ALDH3B1: variants seen among roughly 807,000 people sequenced by gnomAD.
The protein encoded by ALDH3B1 is aldehyde dehydrogenase family 3 member B1.
Under a neutral mutation model 46.2 loss-of-function variants are expected in ALDH3B1, and 37 were observed. The ratio of observed to expected loss-of-function variants is 0.80; its 90% CI spans 0.62 to 1.05. The LOEUF is 1.05. Among genes scored for constraint, ALDH3B1 ranks in the 50% least tolerant of loss-of-function variants. The pLI, the probability that ALDH3B1 is intolerant of heterozygous loss-of-function variation, is 0.00. For synonymous variants in ALDH3B1, 283 were observed against 281.0 expected (o/e 1.01, Z -0.07); for missense variants, 603 against 665.5 (o/e 0.91, Z 1.03).
At chr11:68,027,564 C>T (rs1272214526) in intron 9 of ALDH3B1, among the ~76,000 whole-genome samples, 185 bp from the exon 10 acceptor site, 1 of 152,192 alleles carries the variant, frequency 6.6e-6, no homozygotes, top group Non-Finnish European at 1.5e-5. Context: ...TCTGGCATCC[C>T]CAGGGCTTAC....
At position 68,021,867 on chromosome 11, in the gene ALDH3B1, C is replaced by T. The variant is rs761644575; in HGVS notation, c.945C>T (p.Tyr315=). ...IGGQSDESDR[Y]IAPTVLVDVQ... ...GCCAGAGCGATGAGAGCGATCGCTACATCGGTGAGTCCTGCTGCCCCTACC... is the reference window on the plus strand; with the variant it reads ...GCCAGAGCGATGAGAGCGATCGCTATATCGGTGAGTCCTGCTGCCCCTACC... Residue 315 remains tyrosine (Y), a synonymous_variant, in exon 7 of 10, where the codon TAC becomes TAT. Coordinates refer to ENST00000342456, the MANE Select transcript of ALDH3B1 (RefSeq NM_000694.4). 3.1e-6 allele frequency: 5 copies of T among 1,600,270 alleles called. No homozygotes were observed. Among genetic ancestry groups the T allele is most frequent in the Non-Finnish European group, 4.3e-6 (5 of 1,172,540 alleles).
At chr11:68,015,878 C>T (rs1267016174) in intron 2 of ALDH3B1, 3 of 330,958 alleles carry the variant, frequency 9.1e-6, no homozygotes, top group Admixed American at 8.4e-5. Context: ...CCATCCTGGC[C>T]AACATGGCGA....
intron 1 of ALDH3B1, among the ~76,000 whole-genome samples, chr11:68,014,618 C>G (rs1175747793): frequency 6.6e-6 from 1 of 152,190 alleles, no homozygotes; most frequent in Non-Finnish European, 1.5e-5. Context: ...AGCACCACAG[C>G]CCCGGCAGGG....
chr11:68,022,148 T>C (rs2286165), intron 7 of ALDH3B1, among the ~76,000 whole-genome samples: 36,440 of 152,156 alleles, frequency 0.24, 4,561 homozygotes, highest in African/African-American at 0.31. Context: ...ATCCCACCAC[T>C]GGCTATCCTG....
At chr11:68,015,869 C>T (rs1857340943) in intron 2 of ALDH3B1, 17 of 337,426 alleles carry the variant, frequency 5.0e-5, no homozygotes, top group South Asian at 3.8e-4. Context: ...AGTTCAAGAC[C>T]ATCCTGGCCA....
Position 68,022,637 on chromosome 11 carries a change from T to G in ALDH3B1, c.992T>G (p.Met331Arg). 6.2e-7 allele frequency: 1 copy of G among 1,614,078 alleles called. No individual in the cohort carries two copies. The highest frequency in any genetic ancestry group is 8.5e-7 in the Non-Finnish European group (1 of 1,180,010). The part of the protein sequence containing the change: ...LVDVQEMEPV[M>R]QEEIFGPILP... The stretch of plus-strand genomic sequence containing the variant: ...GATGTGCAGGAGATGGAGCCTGTGA[T>G]GCAGGAGGAGATCTTCGGGCCCATC... The change falls in exon 8 of 10, where the codon ATG (methionine) becomes AGG (arginine). Residue 331 changes from methionine to arginine, a missense_variant. Coordinates refer to ENST00000342456, the MANE Select transcript of ALDH3B1 (RefSeq NM_000694.4).
rs906303723 is a variant in ALDH3B1, at chr11:68,015,589, C to G, written c.162+130C>G. On this transcript the variant is annotated intron_variant, in intron 2 of 9. Transcript: ENST00000342456. ...GCTAAAAGCAGCTCCTCCCCTAGGC[C>G]AGAGCCACCCTTGCACATTCATCCA... 5 of 1,183,564 alleles carry G rather than the reference C, an allele frequency of 4.2e-6. No individual in the cohort carries two copies. In the African/African-American group the frequency reaches 6.1e-5, roughly 14 times the overall value. 73.3% of individuals were successfully genotyped at this position (1,183,564 alleles called of 1,614,324 possible).
chr11:68,028,249 CT>C lies in ALDH3B1; in HGVS notation c.*311del. Reference sequence around the variant, plus strand: ...CAGACACGGCACCTCTGAGTCACCCCTCTCCTGTGGAGCGGGCGTCCGAGGG... The same window carrying C: ...CAGACACGGCACCTCTGAGTCACCCCCTCCTGTGGAGCGGGCGTCCGAGGG... On this transcript the variant is annotated 3_prime_UTR_variant, in exon 10 of 10. Coordinates refer to ENST00000342456, the MANE Select transcript of ALDH3B1 (RefSeq NM_000694.4). 1.8e-6 allele frequency: 1 copy of C among 540,810 alleles called. No individual in the cohort carries two copies. Among genetic ancestry groups the C allele is most frequent in the Non-Finnish European group, 3.5e-6 (1 of 283,516 alleles). The allele number at this position is 540,810 out of a possible 1,614,324, so 33.5% of individuals were successfully genotyped here. A position where few individuals can be genotyped will look rare whatever the true frequency, so the allele number is the denominator to read the frequency against.
chr11:68,012,794 A>G (rs1456452078), intron 1 of ALDH3B1, among the ~76,000 whole-genome samples: 1 of 151,784 alleles, frequency 6.6e-6, no homozygotes, highest in Non-Finnish European at 1.5e-5. Context: ...GGGGACTGTG[A>G]GGGAGGTGGG....
At position 68,028,558 on chromosome 11, in the gene ALDH3B1, T is replaced by A. The variant is rs907535704; in HGVS notation, c.*619T>A. ...CTGGCGTGGTGGCGCATGCCTGTAA[T>A]CCCAGCTACTCAGGAGGCTAAGGCA... On this transcript the variant is annotated 3_prime_UTR_variant, in exon 10 of 10. Coordinates refer to ENST00000342456, the MANE Select transcript of ALDH3B1 (RefSeq NM_000694.4). The A allele has an allele frequency of 1.2e-5, 2 of 169,382 alleles. No individual in the cohort carries two copies. The highest frequency in any genetic ancestry group is 1.1e-4 in the Admixed American group (2 of 17,740). The allele number at this position is 169,382 out of a possible 1,614,324, so 10.5% of individuals were successfully genotyped here. A position where few individuals can be genotyped will look rare whatever the true frequency, so the allele number is the denominator to read the frequency against.
rs918501043 is a variant in ALDH3B1 at position 68,019,752 on chromosome 11, C to A, written c.518C>A (p.Thr173Lys). The change falls in exon 6 of 10, where the codon ACG (threonine) becomes AAG (lysine). Residue 173 changes from threonine (T) to lysine (K), a missense_variant. By Grantham distance (78) the Thr-to-Lys change is moderately conservative (BLOSUM62 -1). Transcript: ENST00000342456. ...GTGGTGCTGGGCGGGCCCCAGGAGA[C>A]GGGGCAGCTGCTAGAGCACAGGTTC... Reference protein sequence around the residue: ...FAVVLGGPQETGQLLEHRFDY... With the variant: ...FAVVLGGPQEKGQLLEHRFDY... The A allele has an allele frequency of 6.2e-7, 1 of 1,614,114 alleles. No homozygotes were observed. The highest frequency in any genetic ancestry group is 2.2e-5 in the East Asian group (1 of 44,884).
At chr11:68,013,408 C>A (rs1857275481) in intron 1 of ALDH3B1, among the ~76,000 whole-genome samples, 2 of 152,182 alleles carry the variant, frequency 1.3e-5, no homozygotes, top group African/African-American at 4.8e-5. Context: ...GTGGTTTCTG[C>A]AGAGATTCTT....
At chr11:68,025,487 C>G (rs1857599229) in intron 8 of ALDH3B1, among the ~76,000 whole-genome samples, 1 of 152,140 alleles carries the variant, frequency 6.6e-6, no homozygotes. Context: ...AAGCAAGGGC[C>G]AAGCTTCTGT....
chr11:68,016,635 A>ACCACCTGCCCCTGCCTCAGGACC (rs1857356948), intron 2 of ALDH3B1: 1 of 153,180 alleles, frequency 6.5e-6, no homozygotes, highest in East Asian at 1.9e-4. Flanking sequence ...GCCTCAGGAC[A>ACCACCTGCCCCTGCCTCAGGACC]CCACCTGCCC....
At chr11:68,010,311 C>G (rs576285485), upstream of ALDH3B1, 1 of 152,386 alleles carries the variant, frequency 6.6e-6, no homozygotes, top group Non-Finnish European at 1.5e-5. Flanking sequence ...GGGGACTGGC[C>G]CTGCGTTGGA....
At chr11:68,023,556 C>T (rs1432198181) in intron 8 of ALDH3B1, among the ~76,000 whole-genome samples, 2 of 151,882 alleles carry the variant, frequency 1.3e-5, no homozygotes, top group Non-Finnish European at 2.9e-5. Context: ...CCACCTGCCT[C>T]GGCCTCCCAA....
At chr11:68,019,092 T>G (rs1427313575) in intron 4 of ALDH3B1, 78 bp from the exon 5 acceptor site, 2 of 1,508,362 alleles carry the variant, frequency 1.3e-6, no homozygotes, top group East Asian at 2.4e-5. Flanking sequence ...TGGGTGAGGC[T>G]GATGCCTGCC....
At chr11:68,012,118 C>T (rs1339648549) in intron 1 of ALDH3B1, among the ~76,000 whole-genome samples, 4 of 152,158 alleles carry the variant, frequency 2.6e-5, no homozygotes, top group Non-Finnish European at 5.9e-5. Context: ...GCAGAGCCTC[C>T]GTTTCCCTGG....
Position 68,021,570 on chromosome 11 carries a change from T to C in ALDH3B1, c.648T>C (p.Pro216=), listed in dbSNP as rs745850732. ...PVTLELGGKN[P]CYVDDNCDPQ... is the part of the protein sequence containing the mutation. ...CCCTGGAGCTGGGGGGCAAGAACCC[T>C]TGCTACGTGGACGACAACTGCGACC... Residue 216 remains proline (P), a synonymous_variant, in exon 7 of 10, where the codon CCT becomes CCC. Coordinates refer to ENST00000342456, the MANE Select transcript of ALDH3B1 (RefSeq NM_000694.4). 11 of 1,613,940 alleles carry C rather than the reference T, an allele frequency of 6.8e-6. No homozygotes were observed. The highest frequency in any genetic ancestry group is 5.3e-5 in the African/African-American group (4 of 74,904).
Sources: allele counts gnomAD v4.1 joint callset (sites outside exome capture counted in the v4.1 genomes callset), GRCh38; gene constraint gnomAD v4.1.1; transcripts MANE v1.5; gene names NCBI Gene and HGNC (gene_info 2026-07-23, HGNC 2026-07-21).